Variants in TGM4 observed in about 807,000 individuals in gnomAD.
The protein encoded by TGM4 is transglutaminase 4, also known as protein-glutamine gamma-glutamyltransferase 4.
TGM4 carries 61 observed loss-of-function variants against 76.3 expected under a neutral mutation model. The observed-to-expected ratio is 0.80, with a 90% CI of 0.65 to 0.99. The LOEUF is 0.99. TGM4 is among the 50% of genes least tolerant of loss of function. The pLI, the probability that TGM4 is intolerant of heterozygous loss-of-function variation, is 0.00. For synonymous variants in TGM4, 337 were observed against 329.8 expected (o/e 1.02, Z -0.24); for missense variants, 794 against 843.2 (o/e 0.94, Z 0.72).
intron 13 of TGM4, among the ~76,000 whole-genome samples, chr3:44,912,273 CTTTTTCTAGAATTT>C (rs1359613679): frequency 1.3e-5 from 2 of 152,128 alleles, no homozygotes; most frequent in Non-Finnish European, 2.9e-5. Flanking sequence ...TTCTCTTATG[CTTTTTCTAGAATTT>C]CCAGCTTTAT....
chr3:44,875,630 C>T (rs1355427798), intron 1 of TGM4, among the ~76,000 whole-genome samples: 1 of 152,088 alleles, frequency 6.6e-6, no homozygotes, highest in Admixed American at 6.5e-5. Flanking sequence ...TCTGCTGACT[C>T]CCCAGCCCAC....
At position 44,901,564 on chromosome 3, in the gene TGM4, G is replaced by A; in HGVS notation, c.698G>A (p.Trp233Ter). The A allele has an allele frequency of 2.5e-6, 4 of 1,613,764 alleles. No homozygotes were observed. Among genetic ancestry groups the A allele is most frequent in the Non-Finnish European group, 3.4e-6 (4 of 1,179,822 alleles). ...GGCCAGGGCGTGCTCATTGGGAATT[G>A]GACTGGGGACTACGAAGGTGGCACA... is the stretch of plus-strand genomic sequence containing the variant. ...EKGQGVLIGN[W>*]TGDYEGGTAP... The change falls in exon 7 of 14, where the codon TGG becomes TAG. Residue 233 changes from tryptophan (W) to a stop codon, truncating the protein, a stop_gained. Transcript: ENST00000296125. LOFTEE classifies it high-confidence loss of function.
intron 6 of TGM4, chr3:44,900,725 G>T (rs1309577164): frequency 6.6e-6 from 1 of 152,124 alleles, no homozygotes; most frequent in African/African-American, 2.4e-5. Context: ...TCATGTTTTC[G>T]GAGGGTTCCT....
chr3:44,913,232 A>G (rs1700029445), intron 13 of TGM4, among the ~76,000 whole-genome samples: 1 of 152,244 alleles, frequency 6.6e-6, no homozygotes, highest in Admixed American at 6.5e-5. Flanking sequence ...TGTGGATTCA[A>G]CATAAAATAC....
rs60542332 is a variant in TGM4, at chr3:44,882,057, C to CTTTTTT, written c.20-3252_20-3247dup. ...TAGCTACAAAATAAAAATACAAACG[C>CTTTTTT]TTTTTTTTTTTTTTTTTTTTTAGAG... On this transcript the variant is annotated intron_variant, in intron 1 of 13. Transcript: ENST00000296125. Among the ~76,000 whole-genome samples, 147 of 104,610 alleles carry CTTTTTT rather than the reference C, an allele frequency of 1.4e-3. 5 individuals are homozygous for CTTTTTT. The highest frequency in any genetic ancestry group is 4.1e-3 in the East Asian group (12 of 2,918). 68.6% of individuals were successfully genotyped at this position (104,610 alleles called of 152,430 possible).
chr3:44,910,509 C>T (rs966827107), intron 11 of TGM4, 141 bp downstream of exon 11: 3 of 1,123,680 alleles, frequency 2.7e-6, no homozygotes, highest in African/African-American at 3.1e-5. Flanking sequence ...TGAGCACCTA[C>T]CCCTTGGTAG....
At chr3:44,885,885 G>A (rs1327500342) in intron 2 of TGM4, among the ~76,000 whole-genome samples, 1 of 152,146 alleles carries the variant, frequency 6.6e-6, no homozygotes, top group Non-Finnish European at 1.5e-5. Context: ...ATCATATTTT[G>A]GTTGCAAAGA....
chr3:44,901,925 C>CT lies in TGM4; in HGVS notation c.966dup (p.Val323CysfsTer53). On this transcript the variant is annotated frameshift_variant, in exon 8 of 14. Coordinates refer to ENST00000296125, the MANE Select transcript of TGM4 (RefSeq NM_003241.4). LOFTEE classifies it high-confidence loss of function. ...AAAATCACCAGTATGACCCACGACT[C>CT]TGTCTGGTAGGGTTCCTCCTTCTCA... The CT allele has an allele frequency of 6.2e-7, 1 of 1,614,078 alleles. No homozygotes were observed.
At chr3:44,878,648 A>G (rs1391083617) in intron 1 of TGM4, among the ~76,000 whole-genome samples, 2 of 151,818 alleles carry the variant, frequency 1.3e-5, no homozygotes, top group African/African-American at 4.8e-5. Context: ...TTACCCAGCT[A>G]ATTTTTTATT....
Position 44,911,365 on chromosome 3 carries a change from G to T in TGM4, c.1872G>T (p.Leu624Phe). 6.2e-7 allele frequency: 1 copy of T among 1,614,226 alleles called. No individual in the cohort carries two copies. Among genetic ancestry groups the T allele is most frequent in the African/African-American group, 1.3e-5 (1 of 75,058 alleles). Residue 624 changes from leucine (L) to phenylalanine (F), a missense_variant, in exon 13 of 14, where the codon TTG becomes TTT. Leu to Phe is a conservative substitution (Grantham distance 22). Transcript: ENST00000296125. ...AIPLTDVKFS[L>F]ESLGISSLQT... ...CTTTGACTGACGTCAAGTTCTCTTT[G>T]GAAAGCCTGGGCATCTCCTCACTAC... is the stretch of plus-strand genomic sequence containing the variant.
chr3:44,908,503 G>T (rs115856255), intron 10 of TGM4, among the ~76,000 whole-genome samples: 2,110 of 151,924 alleles, frequency 0.014, 54 homozygotes, highest in African/African-American at 0.048. Context: ...ACACTTGATG[G>T]TGTCCCTCAG....
chr3:44,905,633 C>T (rs950532779), intron 9 of TGM4, among the ~76,000 whole-genome samples: 22 of 152,186 alleles, frequency 1.4e-4, no homozygotes, highest in East Asian at 3.9e-4. Context: ...ACATACTTTG[C>T]GGGCTCCACC....
chr3:44,901,398 C>G (rs1025806814), intron 6 of TGM4, 126 bp from the exon 7 acceptor site: 1 of 1,184,044 alleles, frequency 8.4e-7, no homozygotes, highest in African/African-American at 1.5e-5. Context: ...CTGGAAAGCC[C>G]ACGTCCTCCA....
intron 1 of TGM4, among the ~76,000 whole-genome samples, chr3:44,878,458 ATTATT>A (rs1380909162): frequency 1.1e-4 from 5 of 44,744 alleles, no homozygotes; most frequent in African/African-American, 4.0e-4. Context: ...TTTTATTATT[ATTATT>A]ATTATTATTA....
At chr3:44,912,923 T>A (rs79231972) in intron 13 of TGM4, among the ~76,000 whole-genome samples, 3,903 of 152,346 alleles carry the variant, frequency 0.026, 138 homozygotes, top group African/African-American at 0.086. Flanking sequence ...TGCTGATATA[T>A]CCAGCAAAAA....
At chr3:44,911,150 A>G in intron 12 of TGM4, 23 bp downstream of exon 12, 1 of 1,612,154 alleles carries the variant, frequency 6.2e-7, no homozygotes. Flanking sequence ...CAGGCCATAA[A>G]GGGCTCCTTC....
Position 44,907,061 on chromosome 3 carries a change from G to C in TGM4, c.1188G>C (p.Trp396Cys), listed in dbSNP as rs753486355. ...AAGTGAATGGTGACAGGCTCATCTG[G>C]TTGGTGAAGATGGTGAATGGGCAGG... ...FSEVNGDRLIWLVKMVNGQEE... is the reference protein window; with the variant it reads ...FSEVNGDRLICLVKMVNGQEE... Residue 396 changes from tryptophan (W) to cysteine (C), a missense_variant, in exon 10 of 14, where the codon TGG becomes TGC. Transcript: ENST00000296125. 33 of 1,614,164 alleles carry C rather than the reference G, an allele frequency of 2.0e-5. No homozygotes were observed. Among genetic ancestry groups the C allele is most frequent in the Non-Finnish European group, 2.8e-5 (33 of 1,180,040 alleles).
chr3:44,910,662 T>C (rs1263623615), intron 11 of TGM4, among the ~76,000 whole-genome samples: 2 of 152,170 alleles, frequency 1.3e-5, no homozygotes, highest in Non-Finnish European at 2.9e-5. Context: ...TAATCTCAGA[T>C]GCCCAGTCAG....
At position 44,903,962 on chromosome 3, in the gene TGM4, C is replaced by G; in HGVS notation, c.1050C>G (p.Asp350Glu). Residue 350 changes from aspartate (D) to glutamate (E), a missense_variant, in exon 9 of 14, where the codon GAC (aspartate) becomes GAG (glutamate). Physicochemically the swap from Asp to Glu is conservative, Grantham distance 45 (BLOSUM62 2). Coordinates refer to ENST00000296125, the MANE Select transcript of TGM4 (RefSeq NM_003241.4). ...PKGYDGWQAV[D>E]ATPQERSQGV... ...GCTACGACGGCTGGCAGGCTGTGGA[C>G]GCAACGCCGCAGGAGCGAAGCCAGG... 6.2e-7 allele frequency: 1 copy of G among 1,614,048 alleles called. No homozygotes were observed. The highest frequency in any genetic ancestry group is 8.5e-7 in the Non-Finnish European group (1 of 1,180,012).
Sources: gnomAD v4.1 joint callset for allele counts (sites outside exome capture counted in the v4.1 genomes callset) on GRCh38, gnomAD v4.1.1 for gene constraint, MANE v1.5 for transcripts, NCBI Gene and HGNC (gene_info 2026-07-23, HGNC 2026-07-21) for gene names.